Variants in PCDHGC4 observed in about 807,000 individuals in gnomAD.
The protein encoded by PCDHGC4 is protocadherin gamma-C4.
In PCDHGC4, 15 loss-of-function variants were observed where a neutral mutation model predicts 59.7. That is an observed-to-expected ratio of 0.25 (90% CI 0.17 to 0.39). The LOEUF is 0.39. PCDHGC4 is among the 10% of genes least tolerant of loss of function. PCDHGC4 has a pLI of 1.00. For synonymous variants in PCDHGC4, 434 were observed against 481.4 expected (o/e 0.90, Z 1.29); for missense variants, 1,016 against 1,189.5 (o/e 0.85, Z 2.15).
rs1342481070 is a variant in PCDHGC4 at position 141,485,056 on chromosome 5, C to T, written c.-118C>T. 8 of 840,338 alleles carry T rather than the reference C, an allele frequency of 9.5e-6. No homozygotes were observed. The Admixed American group carries it at 1.9e-4, about 20-fold the overall frequency. 52.1% of individuals were successfully genotyped at this position (840,338 alleles called of 1,614,324 possible). A position where few individuals can be genotyped will look rare whatever the true frequency, so the allele number is the denominator to read the frequency against. The stretch of plus-strand genomic sequence containing the variant: ...CGTAACCCTTGCGGCGCCGGCCGAA[C>T]CGCGCCAGAGCTGGCGCGGGGAAAG... On this transcript the variant is annotated 5_prime_UTR_variant, in exon 1 of 4. Transcript: ENST00000306593. The surrounding 1 kb of genome is among the most constrained non-coding windows in gnomAD (Gnocchi z 5.7).
rs146574799 is a variant in PCDHGC4, at chr5:141,487,337, G to A, written c.2164G>A (p.Gly722Arg). The A allele has an allele frequency of 1.4e-5, 23 of 1,614,054 alleles. No individual in the cohort carries two copies. The highest frequency in any genetic ancestry group is 3.3e-5 in the Admixed American group (2 of 60,002). ...LSKCLRGAAC[G>R]VTCFPAGTCA... The stretch of plus-strand genomic sequence containing the variant: ...TAAGTGTCTTCGTGGGGCAGCCTGT[G>A]GAGTCACATGCTTTCCTGCTGGCAC... The change falls in exon 1 of 4, where the codon GGA (glycine) becomes AGA (arginine). Residue 722 changes from glycine to arginine, a missense_variant. Gly to Arg is a moderately radical substitution (Grantham distance 125). Coordinates refer to ENST00000306593, the MANE Select transcript of PCDHGC4 (RefSeq NM_018928.3). The surrounding 1 kb of genome is among the most constrained non-coding windows in gnomAD (Gnocchi z 5.0).
chr5:141,499,551 A>T (rs1178321389), intron 2 of PCDHGC4, among the ~76,000 whole-genome samples: 1 of 152,200 alleles, frequency 6.6e-6, no homozygotes, highest in Non-Finnish European at 1.5e-5. Flanking sequence ...AACCTGTATG[A>T]TACCACTATC....
intron 1 of PCDHGC4, 96 bp from the exon 2 acceptor site, chr5:141,494,711 A>T (rs757105958): frequency 6.3e-7 from 1 of 1,599,616 alleles, no homozygotes; most frequent in Non-Finnish European, 8.5e-7. Context: ...CTCTGTGCCC[A>T]CTCCCCTCCT....
chr5:141,499,260 G>T (rs2099790657), intron 2 of PCDHGC4, among the ~76,000 whole-genome samples: 1 of 152,028 alleles, frequency 6.6e-6, no homozygotes, highest in African/African-American at 2.4e-5. Context: ...GTCTCCATTT[G>T]GTCCCTAGAC....
chr5:141,485,070 G>A lies in PCDHGC4; in HGVS notation c.-104G>A. On this transcript the variant is annotated 5_prime_UTR_variant, in exon 1 of 4. Coordinates refer to ENST00000306593, the MANE Select transcript of PCDHGC4 (RefSeq NM_018928.3). The surrounding 1 kb of genome is among the most constrained non-coding windows in gnomAD (Gnocchi z 5.7). ...CGCCGGCCGAACCGCGCCAGAGCTG[G>A]CGCGGGGAAAGGGAGATAGGTGTCT... is the stretch of plus-strand genomic sequence containing the variant. The A allele has an allele frequency of 1.1e-6, 1 of 908,406 alleles. No individual in the cohort carries two copies. Among genetic ancestry groups the A allele is most frequent in the Non-Finnish European group, 1.7e-6 (1 of 580,008 alleles). 56.3% of individuals were successfully genotyped at this position (908,406 alleles called of 1,614,324 possible). A position where few individuals can be genotyped will look rare whatever the true frequency, so the allele number is the denominator to read the frequency against.
At position 141,485,257 on chromosome 5, in the gene PCDHGC4, T is replaced by G. The variant is rs1251686604; in HGVS notation, c.84T>G (p.Cys28Trp). 1.9e-6 allele frequency: 3 copies of G among 1,614,036 alleles called. No homozygotes were observed. The highest frequency in any genetic ancestry group is 2.5e-6 in the Non-Finnish European group (3 of 1,180,006). The part of the protein sequence containing the change: ...LFLFYHLGYV[C>W]GQIRYPVPEE... ...TCTTTTACCACCTGGGTTACGTTTG[T>G]GGGCAGATCCGCTACCCGGTCCCAG... Residue 28 changes from cysteine to tryptophan, a missense_variant, in exon 1 of 4, where the codon TGT (cysteine) becomes TGG (tryptophan). Coordinates refer to ENST00000306593, the MANE Select transcript of PCDHGC4 (RefSeq NM_018928.3). The surrounding 1 kb of genome is among the most constrained non-coding windows in gnomAD (Gnocchi z 5.7).
At position 141,487,499 on chromosome 5, in the gene PCDHGC4, G is replaced by C; in HGVS notation, c.2326G>C (p.Ala776Pro). 6.2e-7 allele frequency: 1 copy of C among 1,614,152 alleles called. No individual in the cohort carries two copies. The highest frequency in any genetic ancestry group is 1.3e-5 in the African/African-American group (1 of 75,042). ...GGHSHGCTPLASAPTRSDSFM... is the reference protein window; with the variant it reads ...GGHSHGCTPLPSAPTRSDSFM... ...CCACTCTCATGGCTGTACACCCTTG[G>C]CTTCTGCACCCACTCGGAGTGATAG... Residue 776 changes from alanine to proline, a missense_variant, in exon 1 of 4, where the codon GCT becomes CCT. Coordinates refer to ENST00000306593, the MANE Select transcript of PCDHGC4 (RefSeq NM_018928.3). The surrounding 1 kb of genome is among the most constrained non-coding windows in gnomAD (Gnocchi z 5.0).
chr5:141,485,172 C>T lies in PCDHGC4; in HGVS notation c.-2C>T, dbSNP rs377648315. 3.9e-5 allele frequency: 62 copies of T among 1,610,044 alleles called. No individual in the cohort carries two copies. The highest frequency in any genetic ancestry group is 5.1e-5 in the Non-Finnish European group (60 of 1,176,944). On this transcript the variant is annotated 5_prime_UTR_variant, in exon 1 of 4. Coordinates refer to ENST00000306593, the MANE Select transcript of PCDHGC4 (RefSeq NM_018928.3). The surrounding 1 kb of genome is among the most constrained non-coding windows in gnomAD (Gnocchi z 5.7). ...CAAGTAGAGAATTAGCGGGCGGCAGCAATGCTCCGCAAGGTGAGAAGCTGG... is the reference window on the plus strand; with the variant it reads ...CAAGTAGAGAATTAGCGGGCGGCAGTAATGCTCCGCAAGGTGAGAAGCTGG...
At position 141,491,672 on chromosome 5, in the gene PCDHGC4, G is replaced by A. The variant is rs754836157; in HGVS notation, c.2443-3135G>A. The A allele has an allele frequency of 9.9e-6, 16 of 1,613,494 alleles. No homozygotes were observed. The South Asian group carries it at 1.4e-4, about 14-fold the overall frequency. On this transcript the variant is annotated intron_variant, in intron 1 of 3. Transcript: ENST00000306593. This position sits in a 1 kb window ranked among gnomAD's most constrained non-coding sequence, Gnocchi z 6.9. ...CTGGAGCCTGACGCCATCCGGTCCCGCTCTAATACGCTGCGGGAGCGGAGC... is the reference window on the plus strand; with the variant it reads ...CTGGAGCCTGACGCCATCCGGTCCCACTCTAATACGCTGCGGGAGCGGAGC...
chr5:141,503,713 C>T (rs867005984), intron 2 of PCDHGC4, among the ~76,000 whole-genome samples: 6 of 152,134 alleles, frequency 3.9e-5, no homozygotes, highest in Non-Finnish European at 8.8e-5. Context: ...TCCCCTTCAA[C>T]CCTAGCTTTA....
chr5:141,494,076 G>A (rs538740530), intron 1 of PCDHGC4, among the ~76,000 whole-genome samples: 24 of 152,234 alleles, frequency 1.6e-4, no homozygotes, highest in African/African-American at 4.3e-4. Flanking sequence ...ATCCCTCCCC[G>A]CTGCATCCCT....
rs925034052 is a variant in PCDHGC4, at chr5:141,486,630, T to G, written c.1457T>G (p.Leu486Trp). 2 of 1,613,690 alleles carry G rather than the reference T, an allele frequency of 1.2e-6. No individual in the cohort carries two copies. Among genetic ancestry groups the G allele is most frequent in the Non-Finnish European group, 1.7e-6 (2 of 1,180,028 alleles). Reference protein sequence around the residue: ...SLAASDPDSGLNALISYSLLE... With the variant: ...SLAASDPDSGWNALISYSLLE... ...GCAGCCTCTGACCCAGACTCTGGCTTGAATGCGCTTATCTCCTACTCACTC... is the reference window on the plus strand; with the variant it reads ...GCAGCCTCTGACCCAGACTCTGGCTGGAATGCGCTTATCTCCTACTCACTC... The change falls in exon 1 of 4, where the codon TTG becomes TGG. Residue 486 changes from leucine to tryptophan, a missense_variant. Physicochemically the swap from Leu to Trp is moderately conservative, Grantham distance 61. Coordinates refer to ENST00000306593, the MANE Select transcript of PCDHGC4 (RefSeq NM_018928.3). This position sits in a 1 kb window ranked among gnomAD's most constrained non-coding sequence, Gnocchi z 5.0.
In PCDHGC4 at chr5:141,486,172, T is replaced by C; in HGVS notation, c.999T>C (p.His333=). ...GGGGTTCTCCAGCCATGGAGCAACA[T>C]TGCAGCCTTCGAGTGGATCTGCTGG... ...RDGGSPAMEQ[H]CSLRVDLLDV... The change falls in exon 1 of 4, where the codon CAT becomes CAC. Residue 333 remains histidine, a synonymous_variant. Transcript: ENST00000306593. The surrounding 1 kb of genome is among the most constrained non-coding windows in gnomAD (Gnocchi z 5.0). 3 of 1,614,212 alleles carry C rather than the reference T, an allele frequency of 1.9e-6. No homozygotes were observed. Among genetic ancestry groups the C allele is most frequent in the Admixed American group, 1.7e-5 (1 of 60,036 alleles).
At chr5:141,508,642 T>A (rs893357826) in intron 3 of PCDHGC4, among the ~76,000 whole-genome samples, 13 of 152,070 alleles carry the variant, frequency 8.5e-5, no homozygotes, top group Admixed American at 2.6e-4. Flanking sequence ...AGCTACTCCG[T>A]CAGGCCCTTC....
Position 141,487,265 on chromosome 5 carries a change from G to C in PCDHGC4, c.2092G>C (p.Val698Leu), listed in dbSNP as rs144347539. 6,978 of 1,614,152 alleles carry C rather than the reference G, an allele frequency of 4.3e-3. 28 individuals carry two copies. Among genetic ancestry groups the C allele is most frequent in the Non-Finnish European group, 4.9e-3 (5,770 of 1,180,028 alleles). ...RLTLYLAVSL[V>L]AICFVSFGSF... ...AACCCTCTACTTGGCTGTGTCCCTA[G>C]TGGCAATTTGCTTTGTCTCCTTTGG... Residue 698 changes from valine to leucine, a missense_variant, in exon 1 of 4, where the codon GTG (valine) becomes CTG (leucine). By Grantham distance (32) the Val-to-Leu change is conservative. Coordinates refer to ENST00000306593, the MANE Select transcript of PCDHGC4 (RefSeq NM_018928.3). This position sits in a 1 kb window ranked among gnomAD's most constrained non-coding sequence, Gnocchi z 5.0.
In PCDHGC4 at chr5:141,512,903, C is replaced by G. The variant is rs2099884492; in HGVS notation, c.*1730C>G. On this transcript the variant is annotated 3_prime_UTR_variant, in exon 4 of 4. Coordinates refer to ENST00000306593, the MANE Select transcript of PCDHGC4 (RefSeq NM_018928.3). ...CCCCACCCTCTTCCTGTGTCTCACG[C>G]AAGTTTTATACTCTAATATTTATAT... 6.6e-6 allele frequency: 1 copy of G among 152,224 alleles called. No homozygotes were observed. Among genetic ancestry groups the G allele is most frequent in the African/African-American group, 2.4e-5 (1 of 41,452 alleles). 9.4% of individuals were successfully genotyped at this position (152,224 alleles called of 1,614,324 possible).
At chr5:141,505,347 T>C in intron 2 of PCDHGC4, 46 bp from the exon 3 acceptor site, 4 of 1,613,346 alleles carry the variant, frequency 2.5e-6, no homozygotes, top group Non-Finnish European at 2.5e-6. Context: ...GGGCATGAGC[T>C]GTGCCGGCCT....
In PCDHGC4 at chr5:141,491,696, G is replaced by A; in HGVS notation, c.2443-3111G>A. The A allele has an allele frequency of 6.2e-7, 1 of 1,612,390 alleles. No individual in the cohort carries two copies. The highest frequency in any genetic ancestry group is 8.5e-7 in the Non-Finnish European group (1 of 1,179,286). ...CGCTCTAATACGCTGCGGGAGCGGA[G>A]CCAGGTGAGGGGCTCGGCGCCGCCC... On this transcript the variant is annotated intron_variant, in intron 1 of 3. Coordinates refer to ENST00000306593, the MANE Select transcript of PCDHGC4 (RefSeq NM_018928.3). This position sits in a 1 kb window ranked among gnomAD's most constrained non-coding sequence, Gnocchi z 6.9.
intron 2 of PCDHGC4, among the ~76,000 whole-genome samples, chr5:141,497,050 G>A (rs113054804): frequency 6.6e-5 from 10 of 152,096 alleles, no homozygotes; most frequent in East Asian, 5.8e-4. Context: ...TTAGCCAGGC[G>A]TGGTGGCAGG....
Sources: allele counts gnomAD v4.1 joint callset (sites outside exome capture counted in the v4.1 genomes callset), GRCh38; gene constraint gnomAD v4.1.1; non-coding constraint Gnocchi (gnomAD v3.1); transcripts MANE v1.5; gene names NCBI Gene and HGNC (gene_info 2026-07-23, HGNC 2026-07-21).